PPFIA3: variants seen among roughly 807,000 people sequenced by gnomAD.
PPFIA3 encodes the protein liprin-alpha-3.
PPFIA3 carries 26 observed loss-of-function variants against 145.8 expected under a neutral mutation model. The observed-to-expected ratio is 0.18, with a 90% CI of 0.13 to 0.25. The LOEUF is 0.25. PPFIA3 is among the 10% of genes least tolerant of loss of function. PPFIA3 has a pLI of 1.00. For missense variants in PPFIA3, 1,008 were observed against 1,587.8 expected (o/e 0.63, Z 6.21); for synonymous variants, 645 against 661.4 (o/e 0.98, Z 0.38).
At chr19:49,132,213 C>A (rs2041081847) in intron 7 of PPFIA3, among the ~76,000 whole-genome samples, 1 of 150,904 alleles carries the variant, frequency 6.6e-6, no homozygotes, top group African/African-American at 2.4e-5. Context: ...CATCGTGAAA[C>A]CCCCGTCTCT....
chr19:49,133,023 T>C lies in PPFIA3; in HGVS notation c.902T>C (p.Met301Thr). 1.2e-6 allele frequency: 2 copies of C among 1,611,904 alleles called. No individual in the cohort carries two copies. Among genetic ancestry groups the C allele is most frequent in the South Asian group, 1.1e-5 (1 of 90,930 alleles). ...CAGGCGCTGGCGCAGCGGGAAGATATGGAGGAGCGGATTACAACACTGGAG... is the reference window on the plus strand; with the variant it reads ...CAGGCGCTGGCGCAGCGGGAAGATACGGAGGAGCGGATTACAACACTGGAG... Reference protein sequence around the residue: ...LKEALAQREDMEERITTLEKR... With the variant: ...LKEALAQREDTEERITTLEKR... Residue 301 changes from methionine to threonine, a missense_variant, in exon 8 of 30, where the codon ATG becomes ACG. Transcript: ENST00000334186. This position sits in a 1 kb window ranked among gnomAD's most constrained non-coding sequence, Gnocchi z 7.2.
intron 16 of PPFIA3, 105 bp from the exon 17 acceptor site, chr19:49,139,563 A>G: frequency 7.9e-7 from 1 of 1,270,508 alleles, no homozygotes. Flanking sequence ...ACTGTGTTCT[A>G]AACCAGGGTC....
intron 7 of PPFIA3, among the ~76,000 whole-genome samples, chr19:49,131,066 G>T (rs2041064361): frequency 6.7e-6 from 1 of 148,612 alleles, no homozygotes; most frequent in African/African-American, 2.5e-5. Flanking sequence ...TAGAGATGGG[G>T]TTTCACTATG....
At chr19:49,142,757 C>T in intron 20 of PPFIA3, 47 bp from the exon 21 acceptor site, 4 of 1,569,406 alleles carry the variant, frequency 2.5e-6, no homozygotes, top group Non-Finnish European at 3.5e-6. Flanking sequence ...CGATTTTCTC[C>T]TCCTCTGTCC....
chr19:49,134,193 C>T (rs1021458117), intron 11 of PPFIA3, 28 bp downstream of exon 11: 1 of 1,565,344 alleles, frequency 6.4e-7, no homozygotes, highest in East Asian at 2.3e-5. Flanking sequence ...GACTGCGGGA[C>T]GCGGAATTCC....
chr19:49,134,939 C>T, intron 13 of PPFIA3, 24 bp downstream of exon 13: 1 of 1,524,098 alleles, frequency 6.6e-7, no homozygotes, highest in Non-Finnish European at 8.8e-7. Context: ...TTCTGCCCTG[C>T]CCCCACCATG....
rs1600356210 is a variant in PPFIA3, at chr19:49,149,442, C to T, written c.3355-105C>T. ...GTTGGAGGCGGGGCCAGGAGAGGGG[C>T]GGGGTTAAAGGAGAGGTGAGACCCG... On this transcript the variant is annotated intron_variant, in intron 27 of 29. Transcript: ENST00000334186. The surrounding 1 kb of genome is among the most constrained non-coding windows in gnomAD (Gnocchi z 5.7). 2 of 1,580,532 alleles carry T rather than the reference C, an allele frequency of 1.3e-6. No individual in the cohort carries two copies. Among genetic ancestry groups the T allele is most frequent in the East Asian group, 4.5e-5 (2 of 44,560 alleles).
In PPFIA3 at chr19:49,128,829, C is replaced by A; in HGVS notation, c.343-19C>A. The A allele has an allele frequency of 6.3e-7, 1 of 1,582,710 alleles. No homozygotes were observed. On this transcript the variant is annotated intron_variant, in intron 3 of 29. Transcript: ENST00000334186. This position sits in a 1 kb window ranked among gnomAD's most constrained non-coding sequence, Gnocchi z 4.1. ...TTTCCCTTGCCTCTTTTCCTTGACC[C>A]CATGCCGTGTGCTTGCAGCTGCTCC...
chr19:49,139,125 T>A (rs1436099681), intron 16 of PPFIA3, among the ~76,000 whole-genome samples: 2 of 151,686 alleles, frequency 1.3e-5, no homozygotes, highest in Non-Finnish European at 2.9e-5. Context: ...ATTAGCTTTC[T>A]TTGAGGCCTG....
intron 18 of PPFIA3, 139 bp downstream of exon 18, chr19:49,140,227 ACAG>A: frequency 6.8e-6 from 8 of 1,175,580 alleles, no homozygotes; most frequent in Non-Finnish European, 9.5e-6. Flanking sequence ...TGGAAGGAAC[ACAG>A]CTTGCCAAGG....
In PPFIA3 at chr19:49,149,164, C is replaced by T; in HGVS notation, c.3281C>T (p.Ala1094Val). The T allele has an allele frequency of 6.2e-7, 1 of 1,613,894 alleles. No individual in the cohort carries two copies. The highest frequency in any genetic ancestry group is 8.5e-7 in the Non-Finnish European group (1 of 1,179,904). The change falls in exon 26 of 30, where the codon GCA (alanine) becomes GTA (valine). Residue 1094 changes from alanine (A) to valine (V), a missense_variant. Coordinates refer to ENST00000334186, the MANE Select transcript of PPFIA3 (RefSeq NM_003660.4). The surrounding 1 kb of genome is among the most constrained non-coding windows in gnomAD (Gnocchi z 5.7). ...ALLLQIPTQN[A>V]QARQLLEKEF... ...CTCCTGCAGATCCCCACGCAGAATG[C>T]ACAGGTGAGCTGCCGCTGGGCCCGG...
intron 5 of PPFIA3, 44 bp downstream of exon 5, chr19:49,129,498 G>T: frequency 3.9e-6 from 6 of 1,545,290 alleles, no homozygotes; most frequent in Non-Finnish European, 5.2e-6. Context: ...CAAGGGGAGG[G>T]GCTAAGGGGC....
At position 49,149,977 on chromosome 19, in the gene PPFIA3, G is replaced by T; in HGVS notation, c.3527-103G>T. Reference sequence around the variant, plus strand: ...GGGAGGGAAACCCATGTGGAGCCCGGCGATCGTTGTGACATCGGGAAGGGA... The same window carrying T: ...GGGAGGGAAACCCATGTGGAGCCCGTCGATCGTTGTGACATCGGGAAGGGA... On this transcript the variant is annotated intron_variant, in intron 28 of 29. Coordinates refer to ENST00000334186, the MANE Select transcript of PPFIA3 (RefSeq NM_003660.4). The surrounding 1 kb of genome is among the most constrained non-coding windows in gnomAD (Gnocchi z 5.7). The T allele has an allele frequency of 7.3e-7, 1 of 1,373,824 alleles. No individual in the cohort carries two copies. The allele number at this position is 1,373,824 out of a possible 1,614,324, so 85.1% of individuals were successfully genotyped here. A position where few individuals can be genotyped will look rare whatever the true frequency, so the allele number is the denominator to read the frequency against.
At chr19:49,121,586 G>A (rs547012022) in intron 1 of PPFIA3, among the ~76,000 whole-genome samples, 63 of 152,164 alleles carry the variant, frequency 4.1e-4, no homozygotes, top group African/African-American at 1.4e-3. Flanking sequence ...AGACCAGCCT[G>A]GCCAACATGG....
At chr19:49,142,411 C>CT (rs1287758676) in intron 20 of PPFIA3, among the ~76,000 whole-genome samples, 18 of 152,228 alleles carry the variant, frequency 1.2e-4, no homozygotes, top group African/African-American at 4.1e-4. Flanking sequence ...GGCACCATTC[C>CT]CATCTCTGAC....
In PPFIA3 at chr19:49,127,917, G is replaced by A. The variant is rs2041022176; in HGVS notation, c.44G>A (p.Arg15Gln). ...VMPTISEDGRRGSALGPDEAG... is the reference protein window; with the variant it reads ...VMPTISEDGRQGSALGPDEAG... Reference sequence around the variant, plus strand: ...CCCACCATCAGCGAGGATGGCCGGCGGGGCTCGGCGCTGGGCCCGGACGAG... The same window carrying A: ...CCCACCATCAGCGAGGATGGCCGGCAGGGCTCGGCGCTGGGCCCGGACGAG... The change falls in exon 2 of 30, where the codon CGG becomes CAG. Residue 15 changes from arginine to glutamine, a missense_variant. Transcript: ENST00000334186. 1.3e-6 allele frequency: 2 copies of A among 1,592,494 alleles called. No individual in the cohort carries two copies. The highest frequency in any genetic ancestry group is 1.3e-5 in the African/African-American group (1 of 74,296).
Position 49,133,724 on chromosome 19 carries a change from T to G in PPFIA3, c.1162-72T>G. 1 of 1,479,058 alleles carries G rather than the reference T, an allele frequency of 6.8e-7. No individual in the cohort carries two copies. The highest frequency in any genetic ancestry group is 9.4e-7 in the Non-Finnish European group (1 of 1,068,432). The allele number at this position is 1,479,058 out of a possible 1,614,324, so 91.6% of individuals were successfully genotyped here. A position where few individuals can be genotyped will look rare whatever the true frequency, so the allele number is the denominator to read the frequency against. On this transcript the variant is annotated intron_variant, in intron 9 of 29. Coordinates refer to ENST00000334186, the MANE Select transcript of PPFIA3 (RefSeq NM_003660.4). The surrounding 1 kb of genome is among the most constrained non-coding windows in gnomAD (Gnocchi z 7.2). Reference sequence around the variant, plus strand: ...GGGGGCGGAGCCTGGCGCTCAGCCTTGGAGGAGGTGGGGCTGGGAGCCTGA... The same window carrying G: ...GGGGGCGGAGCCTGGCGCTCAGCCTGGGAGGAGGTGGGGCTGGGAGCCTGA...
At chr19:49,142,730 C>T in intron 20 of PPFIA3, 74 bp from the exon 21 acceptor site, 1 of 1,376,650 alleles carries the variant, frequency 7.3e-7, no homozygotes, top group Non-Finnish European at 1.0e-6. Context: ...CCCCACCTCC[C>T]TGTTCCCCCA....
chr19:49,139,802 C>A lies in PPFIA3; in HGVS notation c.2211C>A (p.Ser737=). ...MTQALALQAG[S]LEDGGPPRGS... ...AGGCCTTGGCACTGCAGGCGGGGTC[C>A]CTGGAAGATGGGGGACCCCCACGGG... The change falls in exon 17 of 30, where the codon TCC becomes TCA. Residue 737 remains serine, a synonymous_variant. Coordinates refer to ENST00000334186, the MANE Select transcript of PPFIA3 (RefSeq NM_003660.4). 6.2e-7 allele frequency: 1 copy of A among 1,611,960 alleles called. No homozygotes were observed.
Sources: allele counts gnomAD v4.1 joint callset (sites outside exome capture counted in the v4.1 genomes callset), GRCh38; gene constraint gnomAD v4.1.1; non-coding constraint Gnocchi (gnomAD v3.1); transcripts MANE v1.5; gene names NCBI Gene and HGNC (gene_info 2026-07-23, HGNC 2026-07-21).